The following RBFOX1 variants were observed in gnomAD, a reference collection of about 807,000 sequenced individuals.
RBFOX1 encodes RNA binding protein fox-1 homolog 1.
In RBFOX1, 8 loss-of-function variants were observed where a neutral mutation model predicts 57.7. That is an observed-to-expected ratio of 0.14 (90% CI 0.08 to 0.25). The LOEUF is 0.25. RBFOX1 is among the 10% of genes least tolerant of loss of function. The pLI is 1.00. For missense variants in RBFOX1, 611 were observed against 548.5 expected, an observed-to-expected ratio of 1.11 and a Z score of -1.14; for synonymous variants, 326 against 222.4, an observed-to-expected ratio of 1.47 and a Z score of -4.15.
intron 4 of RBFOX1, among the ~76,000 whole-genome samples, chr16:7,420,189 T>A (rs2098526852): frequency 6.6e-6 from 1 of 152,156 alleles, no homozygotes; most frequent in Non-Finnish European, 1.5e-5. Context: ...CCGTGGTAAT[T>A]ATACAGATGG....
intron 1 of RBFOX1, among the ~76,000 whole-genome samples, chr16:6,223,944 TTTATTAAA>T (rs1255847579): frequency 6.6e-6 from 1 of 152,196 alleles, no homozygotes; most frequent in Non-Finnish European, 1.5e-5. Context: ...CCCAGCACTG[TTTATTAAA>T]TAGGGACTCC....
intron 3 of RBFOX1, among the ~76,000 whole-genome samples, chr16:6,848,326 G>C (rs1486432604): frequency 1.3e-5 from 2 of 152,112 alleles, no homozygotes; most frequent in African/African-American, 2.4e-5. Flanking sequence ...TTTCTCCAGA[G>C]AAGTTTGGCA....
At chr16:6,430,260 C>T (rs111281921) in intron 2 of RBFOX1, among the ~76,000 whole-genome samples, 378 of 152,186 alleles carry the variant, frequency 2.5e-3, no homozygotes, top group African/African-American at 8.4e-3. Flanking sequence ...TGCTGGGCAC[C>T]AGGGAATATA....
At chr16:6,363,948 A>C (rs1421618545) in intron 2 of RBFOX1, among the ~76,000 whole-genome samples, 1 of 152,252 alleles carries the variant, frequency 6.6e-6, no homozygotes, top group Non-Finnish European at 1.5e-5. Context: ...ATAAAAAGAA[A>C]ATATAAAAAA....
intron 1 of RBFOX1, among the ~76,000 whole-genome samples, chr16:5,441,301 G>A (rs2068076121): frequency 6.6e-6 from 1 of 151,378 alleles, no homozygotes; most frequent in African/African-American, 2.4e-5. Flanking sequence ...CAGTGTATTA[G>A]TCTGTTCTCA....
intron 2 of RBFOX1, among the ~76,000 whole-genome samples, chr16:6,528,109 C>A (rs879623345): frequency 3.3e-5 from 5 of 152,160 alleles, no homozygotes; most frequent in Admixed American, 3.3e-4. Flanking sequence ...TCCTGATTCA[C>A]CCAACTGGAA....
chr16:5,815,143 C>T (rs1345614544), intron 3 of RBFOX1, among the ~76,000 whole-genome samples: 1 of 143,712 alleles, frequency 7.0e-6, no homozygotes, highest in Admixed American at 7.2e-5. Flanking sequence ...CCAGGCCTGG[C>T]TAATTTAATT....
chr16:5,848,193 A>T (rs1449673268), intron 3 of RBFOX1, among the ~76,000 whole-genome samples: 1 of 152,068 alleles, frequency 6.6e-6, no homozygotes, highest in Non-Finnish European at 1.5e-5. Context: ...CCAGCCTGAC[A>T]CCACTAGACT....
chr16:6,718,455 A>T (rs747218298), intron 3 of RBFOX1, among the ~76,000 whole-genome samples: 2 of 152,084 alleles, frequency 1.3e-5, no homozygotes, highest in Admixed American at 1.3e-4. Context: ...AGAGTAATTG[A>T]TGATGGTGAT....
chr16:6,542,495 T>TTTTTTTTTTTTTG (rs2096836067), intron 2 of RBFOX1, among the ~76,000 whole-genome samples: 1 of 127,192 alleles, frequency 7.9e-6, no homozygotes, highest in Non-Finnish European at 1.7e-5. Flanking sequence ...TTTTTTTTTT[T>TTTTTTTTTTTTTG]TTTTTTTTTT....
At chr16:6,840,792 C>A (rs1423594909) in intron 3 of RBFOX1, among the ~76,000 whole-genome samples, 1 of 149,454 alleles carries the variant, frequency 6.7e-6, no homozygotes, top group Admixed American at 6.8e-5. Flanking sequence ...GAGGCTGAGG[C>A]AGGAGAATTG....
chr16:6,758,299 C>G (rs7188946), intron 3 of RBFOX1, among the ~76,000 whole-genome samples: 38,072 of 151,686 alleles, frequency 0.25, 5,311 homozygotes, highest in Non-Finnish European at 0.31. Flanking sequence ...TGTAAAATGT[C>G]CCAATAAAAA....
At chr16:6,887,324 G>C (rs1166616693) in intron 3 of RBFOX1, among the ~76,000 whole-genome samples, 1 of 152,174 alleles carries the variant, frequency 6.6e-6, no homozygotes, top group Admixed American at 6.5e-5. Flanking sequence ...TGGTGGGACA[G>C]GATGGCATTG....
At chr16:6,820,328 A>T (rs12597890) in intron 3 of RBFOX1, among the ~76,000 whole-genome samples, 37,176 of 151,976 alleles carry the variant, frequency 0.24, 5,080 homozygotes, top group Middle Eastern at 0.32. Context: ...ATCATCAAAT[A>T]ATCTTTTGAT....
intron 2 of RBFOX1, among the ~76,000 whole-genome samples, chr16:6,433,444 A>G (rs1248960229): frequency 2.0e-5 from 3 of 152,240 alleles, no homozygotes; most frequent in Non-Finnish European, 4.4e-5. Flanking sequence ...GGACTCAGAC[A>G]TGAATGCAAG....
At chr16:5,763,968 C>T (rs1442427347) in intron 3 of RBFOX1, among the ~76,000 whole-genome samples, 1 of 152,230 alleles carries the variant, frequency 6.6e-6, no homozygotes, top group African/African-American at 2.4e-5. Flanking sequence ...ACTCGTCTAT[C>T]TCCTATGCTA....
chr16:7,646,196 T>A (rs1205599183), intron 11 of RBFOX1, among the ~76,000 whole-genome samples: 1 of 152,168 alleles, frequency 6.6e-6, no homozygotes, highest in African/African-American at 2.4e-5. Context: ...AAAATCAGGT[T>A]TTTTGATTCT....
chr16:6,572,329 C>T (rs1437406654), intron 2 of RBFOX1, among the ~76,000 whole-genome samples: 1 of 152,112 alleles, frequency 6.6e-6, no homozygotes, highest in African/African-American at 2.4e-5. Flanking sequence ...GAATTTTGCA[C>T]ATTTTCTTAA....
chr16:5,750,910 C>G (rs1350967407), intron 3 of RBFOX1, among the ~76,000 whole-genome samples: 2 of 152,198 alleles, frequency 1.3e-5, no homozygotes, highest in South Asian at 4.1e-4. Flanking sequence ...GAGATGAACC[C>G]GGTACTGGGA....
Sources: gnomAD v4.1 joint callset for allele counts (sites outside exome capture counted in the v4.1 genomes callset) on GRCh38, gnomAD v4.1.1 for gene constraint, MANE v1.5 for transcripts, NCBI Gene and HGNC (gene_info 2026-07-23, HGNC 2026-07-21) for gene names.